The following KIDINS220 variants were observed in gnomAD, a reference collection of about 807,000 sequenced individuals.
KIDINS220 encodes the protein kinase D-interacting substrate of 220 kDa.
Under a neutral mutation model 157.6 loss-of-function variants are expected in KIDINS220, and 63 were observed. The ratio of observed to expected loss-of-function variants is 0.40; its 90% confidence interval spans 0.33 to 0.49. The LOEUF is 0.49. Among genes scored for constraint, KIDINS220 ranks in the 20% least tolerant of loss-of-function variants. KIDINS220 has a pLI of 0.66. For missense variants in KIDINS220, 1,772 were observed against 2,171.2 expected, an observed-to-expected ratio of 0.82 and a Z score of 3.65; for synonymous variants, 732 against 783.6, an observed-to-expected ratio of 0.93 and a Z score of 1.10.
At chr2:8,796,097 T>C (rs1572694075) in intron 11 of KIDINS220, among the ~76,000 whole-genome samples, 2 of 152,120 alleles carry the variant, frequency 1.3e-5, no homozygotes, top group African/African-American at 4.8e-5. Context: ...TTATAACTAA[T>C]AGAAAAACAA....
At chr2:8,793,756 TA>T in intron 12 of KIDINS220, 53 bp downstream of exon 12, 1 of 1,475,166 alleles carries the variant, frequency 6.8e-7, no homozygotes, top group South Asian at 1.3e-5. Flanking sequence ...CCATATTCTT[TA>T]ATGGAACATT....
chr2:8,833,211 T>C (rs1446678885), intron 1 of KIDINS220, among the ~76,000 whole-genome samples: 2 of 152,224 alleles, frequency 1.3e-5, no homozygotes, highest in East Asian at 3.8e-4. Flanking sequence ...CCCTGTCCCC[T>C]GGGGTAGTTT....
chr2:8,724,335 G>A (rs995383476), downstream of KIDINS220: 9 of 152,130 alleles, frequency 5.9e-5, no homozygotes, highest in South Asian at 2.1e-4. The surrounding 1 kb of genome is among the most constrained non-coding windows in gnomAD (Gnocchi z 4.6). Context: ...TGCAACCTCC[G>A]TCTCCCACGT....
downstream of KIDINS220, chr2:8,727,338 T>C (rs971052957): frequency 5.9e-5 from 52 of 881,550 alleles, no homozygotes; most frequent in African/African-American, 8.8e-4. Flanking sequence ...AGTTAACTTA[T>C]GGCACCTTCC....
intron 2 of KIDINS220, among the ~76,000 whole-genome samples, chr2:8,821,149 A>C (rs1677891596): frequency 6.6e-6 from 1 of 151,376 alleles, no homozygotes; most frequent in African/African-American, 2.4e-5. Context: ...AATAATATAA[A>C]TGTTATAAAT....
intron 2 of KIDINS220, among the ~76,000 whole-genome samples, chr2:8,819,429 GT>G (rs1242072710): frequency 6.6e-6 from 1 of 152,160 alleles, no homozygotes; most frequent in African/African-American, 2.4e-5. Flanking sequence ...AGGCAGCTGG[GT>G]GCCTAGACAA....
intron 22 of KIDINS220, among the ~76,000 whole-genome samples, chr2:8,769,244 T>C (rs1669864995): frequency 6.6e-6 from 1 of 152,212 alleles, no homozygotes; most frequent in African/African-American, 2.4e-5. Flanking sequence ...TCGACCTCCT[T>C]AAGCAAGGAC....
intron 12 of KIDINS220, among the ~76,000 whole-genome samples, chr2:8,793,044 A>T (rs1673422480): frequency 6.6e-6 from 1 of 152,172 alleles, no homozygotes; most frequent in African/African-American, 2.4e-5. Flanking sequence ...CATTTTTATA[A>T]GCATAAAGAA....
At chr2:8,812,373 T>C (rs1415546780) in intron 6 of KIDINS220, 22 bp downstream of exon 6, 3 of 1,439,566 alleles carry the variant, frequency 2.1e-6, no homozygotes, top group Admixed American at 1.9e-5. Context: ...GACTGGAACC[T>C]GAAAAGATGC....
intron 22 of KIDINS220, among the ~76,000 whole-genome samples, chr2:8,758,873 G>A (rs1014457789): frequency 6.6e-6 from 1 of 152,166 alleles, no homozygotes; most frequent in African/African-American, 2.4e-5. Context: ...CACAGCCAAA[G>A]TAATAAAAGT....
At chr2:8,736,326 G>A (rs755789) in intron 27 of KIDINS220, among the ~76,000 whole-genome samples, 1 of 151,950 alleles carries the variant, frequency 6.6e-6, no homozygotes, top group Non-Finnish European at 1.5e-5. Context: ...ATTGCAATAG[G>A]ATCTTAGAAG....
At chr2:8,778,501 G>GA (rs1671269938) in intron 20 of KIDINS220, 138 bp downstream of exon 20, 1 of 717,026 alleles carries the variant, frequency 1.4e-6, no homozygotes, top group South Asian at 1.6e-5. Context: ...ACATGAAGCT[G>GA]AAAGGAAATT....
intron 21 of KIDINS220, among the ~76,000 whole-genome samples, chr2:8,771,970 G>GA (rs1243567305): frequency 1.3e-5 from 2 of 149,988 alleles, no homozygotes; most frequent in African/African-American, 4.9e-5. Context: ...CTACTAAAAA[G>GA]AAAAAGACAA....
intron 15 of KIDINS220, among the ~76,000 whole-genome samples, chr2:8,787,204 A>T (rs1462431748): frequency 1.3e-5 from 2 of 151,590 alleles, no homozygotes; most frequent in Non-Finnish European, 2.9e-5. Flanking sequence ...TAACTTTTTC[A>T]CTTTTAAATC....
chr2:8,744,363 C>CAAAAAAA (rs547083543), intron 26 of KIDINS220, among the ~76,000 whole-genome samples: 1 of 9,342 alleles, frequency 1.1e-4, no homozygotes, highest in African/African-American at 5.3e-4. Context: ...TTCCTCATGG[C>CAAAAAAA]AAAAAAAAAA....
chr2:8,826,990 T>G lies in KIDINS220; in HGVS notation c.104A>C (p.Asn35Thr). ...LEKCKDVDER[N>T]ECGQTPLMIA... The stretch of plus-strand genomic sequence containing the variant: ...ATTTTGCAAACTTGGTCTTACCTCA[T>G]TTCTCTCATCTACATCTTTGCATTT... Residue 35 changes from asparagine (N) to threonine (T), a missense_variant, in exon 2 of 30, where the codon AAT becomes ACT. Asn to Thr is a moderately conservative substitution (Grantham distance 65). Transcript: ENST00000256707. 2 of 1,582,500 alleles carry G rather than the reference T, an allele frequency of 1.3e-6. No individual in the cohort carries two copies. Among genetic ancestry groups the G allele is most frequent in the Non-Finnish European group, 8.6e-7 (1 of 1,156,286 alleles).
intron 1 of KIDINS220, among the ~76,000 whole-genome samples, chr2:8,827,367 A>T (rs888413773): frequency 6.6e-6 from 1 of 151,090 alleles, no homozygotes; most frequent in East Asian, 1.9e-4. Context: ...CCATCCCCAA[A>T]CCCTCCTCAT....
intron 25 of KIDINS220, 56 bp from the exon 26 acceptor site, chr2:8,747,257 G>A: frequency 6.9e-7 from 1 of 1,440,894 alleles, no homozygotes; most frequent in East Asian, 2.3e-5. Flanking sequence ...GAGCCAAACT[G>A]TGAAGACAAA....
intron 22 of KIDINS220, among the ~76,000 whole-genome samples, chr2:8,755,819 T>C (rs1667941473): frequency 6.6e-6 from 1 of 152,256 alleles, no homozygotes; most frequent in Non-Finnish European, 1.5e-5. Context: ...TGATTCTCAA[T>C]TATATTCTAT....
Sources: allele counts gnomAD v4.1 joint callset (sites outside exome capture counted in the v4.1 genomes callset), GRCh38; gene constraint gnomAD v4.1.1; non-coding constraint Gnocchi (gnomAD v3.1); transcripts MANE v1.5; gene names NCBI Gene and HGNC (gene_info 2026-07-23, HGNC 2026-07-21).